Variants in CTNNA2 observed in about 807,000 individuals in gnomAD.
CTNNA2 encodes the protein catenin alpha 2, also known as catenin alpha-2.
In CTNNA2, 42 loss-of-function variants were observed where a neutral mutation model predicts 101.0. The ratio of observed to expected loss-of-function variants is 0.42; its 90% confidence interval spans 0.32 to 0.54. The LOEUF (loss-of-function observed/expected upper bound fraction) is 0.54, where lower values mean the gene tolerates loss of function less well. Ranked by LOEUF, CTNNA2 falls within the 20% of genes least tolerant of loss-of-function variation. The pLI is 0.14. For synonymous variants in CTNNA2, 450 were observed against 456.4 expected (o/e 0.99, Z 0.18); for missense variants, 871 against 1,223.1 (o/e 0.71, Z 4.29).
At chr2:80,032,332 G>T (rs1695345066) in intron 7 of CTNNA2, among the ~76,000 whole-genome samples, 1 of 152,118 alleles carries the variant, frequency 6.6e-6, no homozygotes, top group Admixed American at 6.6e-5. Context: ...CATGAAATAT[G>T]ACTAAACAGA....
At chr2:80,574,043 G>T in intron 12 of CTNNA2, 120 bp from the exon 13 acceptor site, 2 of 948,236 alleles carry the variant, frequency 2.1e-6, no homozygotes. Flanking sequence ...CTGGACAGAT[G>T]AGTGTCTTGC....
At chr2:79,870,840 C>T (rs930147404) in intron 5 of CTNNA2, among the ~76,000 whole-genome samples, 1 of 152,058 alleles carries the variant, frequency 6.6e-6, no homozygotes, top group African/African-American at 2.4e-5. Flanking sequence ...CCCTATGATC[C>T]AGTCACCTCC....
At chr2:80,520,015 T>A (rs1689406441) in intron 9 of CTNNA2, among the ~76,000 whole-genome samples, 2 of 152,142 alleles carry the variant, frequency 1.3e-5, no homozygotes, top group Non-Finnish European at 2.9e-5. Flanking sequence ...TGATCCACTG[T>A]TGCTTAGAAG....
chr2:79,899,047 G>A (rs558947851), intron 6 of CTNNA2, among the ~76,000 whole-genome samples: 1 of 152,216 alleles, frequency 6.6e-6, no homozygotes, highest in South Asian at 2.1e-4. Context: ...AAAGCATAGG[G>A]GAGGCTTAAC....
intron 9 of CTNNA2, among the ~76,000 whole-genome samples, chr2:80,495,065 T>A (rs1380417453): frequency 6.6e-6 from 1 of 152,222 alleles, no homozygotes; most frequent in Non-Finnish European, 1.5e-5. Flanking sequence ...GACCCAGAAG[T>A]AGCCAAATGA....
At chr2:79,927,368 A>G (rs554285670) in intron 7 of CTNNA2, among the ~76,000 whole-genome samples, 160 of 152,232 alleles carry the variant, frequency 1.1e-3, no homozygotes, top group Non-Finnish European at 1.5e-3. Context: ...GAGAGTGTCC[A>G]TGGGAGATAA....
chr2:80,527,494 T>C (rs779381859), intron 9 of CTNNA2, among the ~76,000 whole-genome samples: 1 of 152,184 alleles, frequency 6.6e-6, no homozygotes, highest in Non-Finnish European at 1.5e-5. Context: ...GCTGGACTTG[T>C]GTTAGATCAG....
intron 3 of CTNNA2, among the ~76,000 whole-genome samples, chr2:79,365,622 TA>T (rs777443385): frequency 1.6e-3 from 148 of 90,138 alleles, no homozygotes; most frequent in Non-Finnish European, 2.0e-3. Flanking sequence ...AGGCCCTGTC[TA>T]AAAAAAAAAA....
rs750728302 is a variant in CTNNA2, at chr2:79,216,937, T to G, written c.-406+18861T>G. 7.3e-4 allele frequency among the ~76,000 whole-genome samples: 111 copies of G among 152,168 alleles called. 1 individual carries two copies. Among genetic ancestry groups the G allele is most frequent in the Admixed American group, 2.8e-3 (43 of 15,276 alleles). On this transcript the variant is annotated intron_variant, in intron 2 of 21. Transcript: ENST00000466387. ...GGGTAAATAATCAGAGAGGCGTCCCTGCAATGATTAAACACCAAGGGAAGG... is the reference window on the plus strand; with the variant it reads ...GGGTAAATAATCAGAGAGGCGTCCCGGCAATGATTAAACACCAAGGGAAGG...
At chr2:79,245,704 C>T (rs1299485962) in intron 2 of CTNNA2, among the ~76,000 whole-genome samples, 1 of 152,216 alleles carries the variant, frequency 6.6e-6, no homozygotes, top group Non-Finnish European at 1.5e-5. Context: ...CTGAGAGGAT[C>T]ATGAAAATAA....
chr2:79,847,152 C>T (rs1574119247), intron 3 of CTNNA2, among the ~76,000 whole-genome samples: 1 of 150,288 alleles, frequency 6.7e-6, no homozygotes, highest in Admixed American at 6.6e-5. Flanking sequence ...TTTAAACAAA[C>T]TTCCCAAGAT....
intron 1 of CTNNA2, among the ~76,000 whole-genome samples, chr2:79,561,113 T>A (rs1479466836): frequency 6.6e-6 from 1 of 151,934 alleles, no homozygotes; most frequent in African/African-American, 2.4e-5. Context: ...CTAGGCTTAC[T>A]GTCTGCACAG....
At chr2:80,164,403 T>C (rs535333738) in intron 7 of CTNNA2, among the ~76,000 whole-genome samples, 12 of 152,176 alleles carry the variant, frequency 7.9e-5, no homozygotes, top group Admixed American at 1.3e-4. Context: ...CCAATTCTAG[T>C]GAAGTTTAGA....
At chr2:79,550,626 C>T (rs114263147) in intron 1 of CTNNA2, among the ~76,000 whole-genome samples, 1,980 of 152,290 alleles carry the variant, frequency 0.013, 26 homozygotes, top group Middle Eastern at 0.02. Context: ...CTGTATTAAG[C>T]GCAACACTCA....
chr2:79,984,594 G>A (rs987380195), intron 7 of CTNNA2, among the ~76,000 whole-genome samples: 3 of 152,174 alleles, frequency 2.0e-5, no homozygotes, highest in Non-Finnish European at 4.4e-5. Flanking sequence ...ATGCAACCGG[G>A]TTGAGAATGA....
chr2:80,624,273 A>G (rs72926513), intron 18 of CTNNA2, among the ~76,000 whole-genome samples: 8,377 of 152,058 alleles, frequency 0.055, 769 homozygotes, highest in African/African-American at 0.19. Flanking sequence ...CATTCTCATC[A>G]TGACTGGAAG....
chr2:79,387,255 T>G (rs1678115693), intron 4 of CTNNA2, among the ~76,000 whole-genome samples: 1 of 152,190 alleles, frequency 6.6e-6, no homozygotes. Context: ...CTTTGGCCAG[T>G]CTGCCTGTTG....
At chr2:79,850,298 C>CT (rs1680583813) in intron 3 of CTNNA2, among the ~76,000 whole-genome samples, 1 of 94,256 alleles carries the variant, frequency 1.1e-5, no homozygotes, top group Admixed American at 1.2e-4. Context: ...CTCCCTCCCT[C>CT]CCCCCTCCCT....
intron 2 of CTNNA2, among the ~76,000 whole-genome samples, chr2:79,733,094 T>C (rs1290425029): frequency 1.3e-5 from 2 of 152,138 alleles, no homozygotes; most frequent in Non-Finnish European, 2.9e-5. Flanking sequence ...CACCCAGCAG[T>C]CTTCTCCACT....
Sources: gnomAD v4.1 joint callset for allele counts (sites outside exome capture counted in the v4.1 genomes callset) on GRCh38, gnomAD v4.1.1 for gene constraint, MANE v1.5 for transcripts, NCBI Gene and HGNC (gene_info 2026-07-23, HGNC 2026-07-21) for gene names.